The following NTM variants were observed in gnomAD, a reference collection of about 807,000 sequenced individuals.
NTM encodes IgLON family member 2.
A neutral mutation model predicts 42.1 loss-of-function variants in NTM; 13 were observed. The ratio of observed to expected loss-of-function variants is 0.31; its 90% CI spans 0.20 to 0.49. The LOEUF (loss-of-function observed/expected upper bound fraction) is 0.49, where lower values mean the gene tolerates loss of function less well. NTM is among the 20% of genes least tolerant of loss of function. NTM has a pLI of 0.99. For missense variants in NTM, 373 were observed against 452.8 expected (o/e 0.82, Z 1.60); for synonymous variants, 187 against 179.2 (o/e 1.04, Z -0.35).
intron 3 of NTM, among the ~76,000 whole-genome samples, chr11:132,180,635 C>T (rs1472474624): frequency 1.3e-5 from 2 of 152,162 alleles, no homozygotes; most frequent in African/African-American, 4.8e-5. Context: ...CAAACCCTCT[C>T]AAGCTCTCAG....
At chr11:131,986,259 C>T (rs577016550) in intron 2 of NTM, among the ~76,000 whole-genome samples, 36 of 152,312 alleles carry the variant, frequency 2.4e-4, no homozygotes, top group Middle Eastern at 3.4e-3. Flanking sequence ...TGGCTGTTCA[C>T]ATGAAATAGC....
In NTM at chr11:131,370,619, T is replaced by C; in HGVS notation, c.-188T>C. ...TGTACAATGTGTCTCAGTGCCAGAG[T>C]ATGAGTGGAGATAATTACGGAGAAG... On this transcript the variant is annotated 5_prime_UTR_variant, in exon 1 of 9. Coordinates refer to ENST00000683400, the MANE Select transcript of NTM (RefSeq NM_001352005.2). 1 of 597,700 alleles carries C rather than the reference T, an allele frequency of 1.7e-6. No homozygotes were observed. Among genetic ancestry groups the C allele is most frequent in the Admixed American group, 3.0e-5 (1 of 33,898 alleles). 37.0% of individuals were successfully genotyped at this position (597,700 alleles called of 1,614,324 possible). A position where few individuals can be genotyped will look rare whatever the true frequency, so the allele number is the denominator to read the frequency against.
intron 2 of NTM, among the ~76,000 whole-genome samples, chr11:131,973,718 A>G (rs6590610): frequency 0.59 from 88,767 of 151,656 alleles, 26,348 homozygotes; most frequent in African/African-American, 0.69. Context: ...TCGGGAGGCC[A>G]AGGCAGGAGA....
chr11:132,276,588 G>A lies in NTM; in HGVS notation c.527-31101G>A, dbSNP rs114207547. On this transcript the variant is annotated intron_variant, in intron 4 of 8. Coordinates refer to ENST00000683400, the MANE Select transcript of NTM (RefSeq NM_001352005.2). ...ACACCTGCTTTCCTTCTAGAAATCT[G>A]GAATTTTGGTGCACCTTAGGCAGGA... Among the ~76,000 whole-genome samples, 1,506 of 152,238 alleles carry A rather than the reference G, an allele frequency of 9.9e-3. 21 individuals are homozygous for A. Among genetic ancestry groups the A allele is most frequent in the African/African-American group, 0.033 (1,368 of 41,532 alleles).
At chr11:131,686,030 A>G (rs1211571521) in intron 1 of NTM, among the ~76,000 whole-genome samples, 1 of 152,112 alleles carries the variant, frequency 6.6e-6, no homozygotes, top group African/African-American at 2.4e-5. Context: ...TGGGAGGAGG[A>G]ACACATAAGG....
intron 1 of NTM, among the ~76,000 whole-genome samples, chr11:131,499,360 G>A (rs2046440765): frequency 6.6e-6 from 1 of 152,054 alleles, no homozygotes; most frequent in Admixed American, 6.6e-5. Flanking sequence ...CATAGAGTGA[G>A]AGGATGTTGC....
At chr11:131,762,722 C>T (rs769177929) in intron 1 of NTM, among the ~76,000 whole-genome samples, 6 of 152,230 alleles carry the variant, frequency 3.9e-5, no homozygotes, top group Non-Finnish European at 8.8e-5. Flanking sequence ...TAGACTGCTC[C>T]TCTGTCTATT....
chr11:131,566,542 C>T (rs774049563), intron 1 of NTM, among the ~76,000 whole-genome samples: 12 of 152,176 alleles, frequency 7.9e-5, no homozygotes, highest in South Asian at 4.2e-4. Context: ...GTGTGAGTCT[C>T]GAGCCTTCCA....
intron 2 of NTM, among the ~76,000 whole-genome samples, chr11:132,094,068 A>G (rs1324153065): frequency 1.3e-5 from 2 of 152,212 alleles, no homozygotes; most frequent in Non-Finnish European, 1.5e-5. Context: ...CGTTTGCCTT[A>G]TGTAAACATG....
intron 2 of NTM, among the ~76,000 whole-genome samples, chr11:132,110,554 A>G (rs958194967): frequency 6.6e-6 from 1 of 152,210 alleles, no homozygotes; most frequent in Non-Finnish European, 1.5e-5. Context: ...GCTTTCAATC[A>G]TATCCATGTT....
At chr11:131,433,698 G>T (rs1164523273) in intron 1 of NTM, among the ~76,000 whole-genome samples, 1 of 151,960 alleles carries the variant, frequency 6.6e-6, no homozygotes, top group African/African-American at 2.4e-5. Context: ...CTACATCTTT[G>T]TATGAGTTCT....
intron 1 of NTM, among the ~76,000 whole-genome samples, chr11:131,593,364 C>A (rs559542168): frequency 6.6e-6 from 1 of 152,338 alleles, no homozygotes; most frequent in South Asian, 2.1e-4. Context: ...TAGCTCTCAG[C>A]AGGTGGGGTA....
intron 3 of NTM, among the ~76,000 whole-genome samples, chr11:132,202,792 T>C (rs1390813763): frequency 1.3e-5 from 2 of 152,170 alleles, no homozygotes; most frequent in African/African-American, 4.8e-5. Flanking sequence ...TTTCAGTTGA[T>C]CCTGAAAGGA....
intron 2 of NTM, among the ~76,000 whole-genome samples, chr11:132,038,679 C>T (rs118180529): frequency 0.054 from 8,176 of 152,284 alleles, 310 homozygotes; most frequent in Non-Finnish European, 0.081. Flanking sequence ...CAGACCAGCA[C>T]GCTTCCCTGT....
At chr11:131,750,639 C>T (rs1028598442) in intron 1 of NTM, among the ~76,000 whole-genome samples, 50 of 152,240 alleles carry the variant, frequency 3.3e-4, no homozygotes, top group South Asian at 4.1e-4. Flanking sequence ...TTTTCATTTC[C>T]GCTTTCCACC....
chr11:131,849,926 C>T (rs2045336218), intron 1 of NTM, among the ~76,000 whole-genome samples: 2 of 150,914 alleles, frequency 1.3e-5, no homozygotes, highest in Admixed American at 6.6e-5. Context: ...ACATATGTAA[C>T]AAACCTGCAC....
At chr11:132,273,106 A>G (rs1444833969) in intron 4 of NTM, among the ~76,000 whole-genome samples, 1 of 151,672 alleles carries the variant, frequency 6.6e-6, no homozygotes, top group Admixed American at 6.6e-5. Flanking sequence ...TGTTTTTTTT[A>G]TCATGAAGGA....
chr11:132,317,047 G>T (rs554062574), intron 7 of NTM, among the ~76,000 whole-genome samples: 1 of 152,140 alleles, frequency 6.6e-6, no homozygotes, highest in Non-Finnish European at 1.5e-5. Flanking sequence ...TGGCCTAGAC[G>T]TTGAGAAGTG....
chr11:131,765,485 C>T lies in NTM; in HGVS notation c.83-146079C>T, dbSNP rs535186281. 8.5e-5 allele frequency among the ~76,000 whole-genome samples: 13 copies of T among 152,276 alleles called. No individual in the cohort carries two copies. In the South Asian group the frequency reaches 2.7e-3, roughly 32 times the overall value. On this transcript the variant is annotated intron_variant, in intron 1 of 8. Transcript: ENST00000683400. The stretch of plus-strand genomic sequence containing the variant: ...ATGTAGTATGTATTTTCTATCTTAT[C>T]CGCTTATGTATAATCTCTTCTAGGA...
Sources: allele counts gnomAD v4.1 joint callset (sites outside exome capture counted in the v4.1 genomes callset), GRCh38; gene constraint gnomAD v4.1.1; transcripts MANE v1.5; gene names NCBI Gene and HGNC (gene_info 2026-07-23, HGNC 2026-07-21).